Variants in KALRN observed in about 807,000 individuals in gnomAD.
KALRN encodes the protein kalirin RhoGEF kinase.
A neutral mutation model predicts 353.7 loss-of-function variants in KALRN; 70 were observed. That is an observed-to-expected ratio of 0.20 (90% CI 0.16 to 0.24). The LOEUF (loss-of-function observed/expected upper bound fraction) is 0.24, where lower values mean the gene tolerates loss of function less well. KALRN is among the 10% of genes least tolerant of loss of function. The pLI is 1.00. For synonymous variants in KALRN, 1,391 were observed against 1,434.8 expected (o/e 0.97, Z 0.69); for missense variants, 2,791 against 3,756.7 (o/e 0.74, Z 6.72).
chr3:124,249,298 A>T (rs1458217699), intron 3 of KALRN, among the ~76,000 whole-genome samples: 7 of 152,212 alleles, frequency 4.6e-5, no homozygotes, highest in Non-Finnish European at 7.4e-5. Context: ...ACAGGAGAAG[A>T]CAAAAACTGA....
At chr3:124,698,212 A>G (rs1292294393) in intron 55 of KALRN, among the ~76,000 whole-genome samples, 1 of 152,134 alleles carries the variant, frequency 6.6e-6, no homozygotes, top group South Asian at 2.1e-4. Context: ...CTGAGCGCAA[A>G]CAGTCCACTT....
At chr3:124,602,257 G>A (rs764309494) in intron 34 of KALRN, among the ~76,000 whole-genome samples, 5 of 152,138 alleles carry the variant, frequency 3.3e-5, no homozygotes, top group South Asian at 2.1e-4. Flanking sequence ...CCCCCAAATT[G>A]ACTTTCCTTG....
At chr3:124,258,879 A>G (rs1232280544) in intron 3 of KALRN, among the ~76,000 whole-genome samples, 1 of 152,242 alleles carries the variant, frequency 6.6e-6, no homozygotes, top group Non-Finnish European at 1.5e-5. Flanking sequence ...CGTATTTTCC[A>G]TCAAGGATGG....
chr3:124,496,010 T>TAC (rs2063786150), intron 32 of KALRN, among the ~76,000 whole-genome samples: 1 of 61,816 alleles, frequency 1.6e-5, no homozygotes, highest in African/African-American at 1.1e-4. Context: ...TATATATATA[T>TAC]ATACACACAC....
At chr3:124,282,052 T>C (rs1185017923) in intron 5 of KALRN, among the ~76,000 whole-genome samples, 1 of 152,122 alleles carries the variant, frequency 6.6e-6, no homozygotes, top group East Asian at 1.9e-4. Flanking sequence ...CCTTTTATAC[T>C]AATCCAAGTG....
At chr3:124,539,930 G>C (rs914809522) in intron 33 of KALRN, among the ~76,000 whole-genome samples, 2 of 150,700 alleles carry the variant, frequency 1.3e-5, no homozygotes, top group East Asian at 3.9e-4. Context: ...TTTGGGGGGG[G>C]GGACAGGGTC....
At chr3:124,083,174 C>T (rs1357297474) in intron 1 of KALRN, among the ~76,000 whole-genome samples, 2 of 152,182 alleles carry the variant, frequency 1.3e-5, no homozygotes, top group African/African-American at 4.8e-5. Context: ...TGAAAGCTGC[C>T]CTTCATCTAT....
chr3:124,683,817 T>G (rs149390992), intron 51 of KALRN, among the ~76,000 whole-genome samples: 1 of 152,270 alleles, frequency 6.6e-6, no homozygotes, highest in East Asian at 1.9e-4. Flanking sequence ...CTCTGAAAGA[T>G]TAGAGAGAGA....
chr3:124,305,354 G>A (rs974790169), intron 6 of KALRN, among the ~76,000 whole-genome samples: 1 of 152,314 alleles, frequency 6.6e-6, no homozygotes, highest in East Asian at 1.9e-4. Context: ...ATCAGGGAAA[G>A]AGATCTCCTG....
intron 25 of KALRN, among the ~76,000 whole-genome samples, chr3:124,469,225 T>G (rs749244905): frequency 2.6e-5 from 4 of 152,234 alleles, no homozygotes; most frequent in African/African-American, 4.8e-5. Context: ...AAGGTAAATT[T>G]TGCTGCTTGT....
intron 34 of KALRN, among the ~76,000 whole-genome samples, chr3:124,606,161 A>G (rs2077327369): frequency 6.6e-6 from 1 of 152,366 alleles, no homozygotes; most frequent in Non-Finnish European, 1.5e-5. Context: ...TCACAGTTTC[A>G]GAAAACACAG....
chr3:124,261,991 A>G (rs2072936898), intron 3 of KALRN, among the ~76,000 whole-genome samples: 1 of 152,210 alleles, frequency 6.6e-6, no homozygotes, highest in African/African-American at 2.4e-5. Flanking sequence ...AGCAATAACT[A>G]GTAATCAAAG....
intron 49 of KALRN, among the ~76,000 whole-genome samples, chr3:124,676,673 C>T (rs893461655): frequency 3.3e-5 from 5 of 152,224 alleles, no homozygotes; most frequent in African/African-American, 1.2e-4. Flanking sequence ...CACAAGGACA[C>T]ACACATACAC....
chr3:124,255,696 G>A (rs2071861405), intron 3 of KALRN, among the ~76,000 whole-genome samples: 1 of 152,176 alleles, frequency 6.6e-6, no homozygotes, highest in Non-Finnish European at 1.5e-5. Context: ...CAGGGTCATG[G>A]CAATGCATAG....
chr3:124,210,073 A>G (rs1425550174), intron 1 of KALRN, among the ~76,000 whole-genome samples: 40 of 152,204 alleles, frequency 2.6e-4, no homozygotes, highest in Admixed American at 2.6e-3. Flanking sequence ...TCTCTGTACT[A>G]GTTAAATGAC....
At chr3:124,200,624 G>A (rs1350056774) in intron 1 of KALRN, among the ~76,000 whole-genome samples, 3 of 152,224 alleles carry the variant, frequency 2.0e-5, no homozygotes, top group Non-Finnish European at 4.4e-5. Context: ...TCATTCTGTA[G>A]TTCATGCCTT....
At chr3:124,311,726 CA>C (rs1264584376) in intron 6 of KALRN, among the ~76,000 whole-genome samples, 3 of 152,100 alleles carry the variant, frequency 2.0e-5, no homozygotes, top group Admixed American at 2.0e-4. Flanking sequence ...GTATAATAAT[CA>C]AAAGGTGGAA....
At chr3:124,404,875 G>A (rs567597627) in intron 13 of KALRN, among the ~76,000 whole-genome samples, 8 of 151,850 alleles carry the variant, frequency 5.3e-5, no homozygotes, top group Non-Finnish European at 8.8e-5. Flanking sequence ...GTCCAATTTC[G>A]CCACTTTTTC....
At chr3:124,633,133 C>T (rs1433009186) in intron 35 of KALRN, among the ~76,000 whole-genome samples, 2 of 152,216 alleles carry the variant, frequency 1.3e-5, no homozygotes, top group African/African-American at 2.4e-5. Context: ...AGGAATAGAT[C>T]ATCCAGAGTT....
Sources: allele counts gnomAD v4.1 joint callset (sites outside exome capture counted in the v4.1 genomes callset), GRCh38; gene constraint gnomAD v4.1.1; transcripts MANE v1.5; gene names NCBI Gene and HGNC (gene_info 2026-07-23, HGNC 2026-07-21).